Variants in OR3A2 observed in about 807,000 individuals in gnomAD.
OR3A2 encodes the protein olfactory receptor 3A2.
For synonymous variants in OR3A2, 126 were observed against 159.3 expected (o/e 0.79, Z 1.57); for missense variants, 318 against 392.8 (o/e 0.81, Z 1.61).
rs182869835 is a variant in OR3A2 at position 3,335,766 on chromosome 17, G to C, written c.-85+267C>G. Among the ~76,000 whole-genome samples the C allele has an allele frequency of 6.0e-4, 91 of 152,306 alleles. 1 individual carries two copies. Among genetic ancestry groups the C allele is most frequent in the South Asian group, 4.3e-3 (21 of 4,828 alleles). On this transcript the variant is annotated intron_variant, in intron 3 of 4. Coordinates refer to the OR3A2 transcript ENST00000573491. ...ATGAAGAAAGCCCCAGGAAGAAAAA[G>C]TCTGACAGAGAACACATTCCAGCTT... is the stretch of plus-strand genomic sequence containing the variant.
intron 2 of OR3A2, among the ~76,000 whole-genome samples, chr17:3,365,505 A>C (rs751523788): frequency 2.6e-5 from 4 of 152,216 alleles, no homozygotes; most frequent in Non-Finnish European, 5.9e-5. Flanking sequence ...ATGCTGAGGT[A>C]ACAAATTAAC....
chr17:3,364,866 T>C (rs987050859), intron 2 of OR3A2, among the ~76,000 whole-genome samples: 1 of 152,044 alleles, frequency 6.6e-6, no homozygotes, highest in Non-Finnish European at 1.5e-5. Context: ...GGGGAAATTA[T>C]ATGTGCATTT....
intron 2 of OR3A2, among the ~76,000 whole-genome samples, chr17:3,369,074 G>A (rs1242303751): frequency 1.3e-5 from 2 of 152,160 alleles, no homozygotes; most frequent in Non-Finnish European, 2.9e-5. Flanking sequence ...ACTGATTTGT[G>A]GACGTTGATT....
Position 3,338,220 on chromosome 17 carries a change from T to C in OR3A2, c.-178-2094A>G, listed in dbSNP as rs769870739. On this transcript the variant is annotated intron_variant, in intron 2 of 4. Coordinates refer to the OR3A2 transcript ENST00000573491. ...CAAAAATTTTCTCCCATTCTGTAGGTTGCCTGTTCACTCTGATGGTAGTTT... is the reference window on the plus strand; with the variant it reads ...CAAAAATTTTCTCCCATTCTGTAGGCTGCCTGTTCACTCTGATGGTAGTTT... Among the ~76,000 whole-genome samples, 229 of 152,310 alleles carry C rather than the reference T, an allele frequency of 1.5e-3. 2 individuals are homozygous for C. The highest frequency in any genetic ancestry group is 5.7e-4 in the Non-Finnish European group (39 of 68,034).
rs184891298 is a variant in OR3A2 at position 3,345,328 on chromosome 17, C to T, written c.-178-9202G>A. On this transcript the variant is annotated intron_variant, in intron 2 of 4. Coordinates refer to the OR3A2 transcript ENST00000573491. ...CAAGCCTCACCCTTTCAGAGAACTTCCAATCATGTTTTTAGGACCTTTTTC... is the reference window on the plus strand; with the variant it reads ...CAAGCCTCACCCTTTCAGAGAACTTTCAATCATGTTTTTAGGACCTTTTTC... Among the ~76,000 whole-genome samples, 48 of 152,054 alleles carry T rather than the reference C, an allele frequency of 3.2e-4. No individual in the cohort carries two copies. In the East Asian group the frequency reaches 7.7e-3, roughly 25 times the overall value.
At chr17:3,336,247 T>A (rs890138884) in intron 2 of OR3A2, 121 bp from the exon 2 acceptor site, 1 of 152,240 alleles carries the variant, frequency 6.6e-6, no homozygotes, top group South Asian at 2.1e-4. Context: ...ACAGTGCTTT[T>A]CAGTGATGAT....
chr17:3,329,128 G>A lies in OR3A2; in HGVS notation c.-85+6905C>T, dbSNP rs769518549. Among the ~76,000 whole-genome samples, 1,228 of 151,842 alleles carry A rather than the reference G, an allele frequency of 8.1e-3. 4 individuals are homozygous for A. Among genetic ancestry groups the A allele is most frequent in the Non-Finnish European group, 0.014 (946 of 67,988 alleles). The stretch of plus-strand genomic sequence containing the variant: ...TTCAGTTTGCCAGTATTTTATTGAG[G>A]ATTTTTGCATCAATGTTCATCAAGG... On this transcript the variant is annotated intron_variant, in intron 3 of 4. Coordinates refer to the OR3A2 transcript ENST00000573491.
chr17:3,291,926 G>A (rs867373440), intron 3 of OR3A2: 2 of 1,614,218 alleles, frequency 1.2e-6, no homozygotes, highest in Non-Finnish European at 1.7e-6. Context: ...GGATATAGGA[G>A]ATGACAATGA....
chr17:3,285,317 GTTC>G (rs1179684284), upstream of OR3A2, among the ~76,000 whole-genome samples: 1 of 152,094 alleles, frequency 6.6e-6, no homozygotes. Context: ...AGACAAACCT[GTTC>G]TTCTGATTAT....
intron 2 of OR3A2, among the ~76,000 whole-genome samples, chr17:3,369,309 T>C (rs2049590709): frequency 6.6e-6 from 1 of 152,214 alleles, no homozygotes; most frequent in Non-Finnish European, 1.5e-5. Flanking sequence ...ATCCTTGTCT[T>C]GTTCCAGTTC....
chr17:3,348,866 G>C (rs1018101309), intron 2 of OR3A2, among the ~76,000 whole-genome samples: 3 of 152,088 alleles, frequency 2.0e-5, no homozygotes, highest in African/African-American at 7.2e-5. Context: ...AAGAGAGTGG[G>C]GGCCAATATT....
intron 3 of OR3A2, among the ~76,000 whole-genome samples, chr17:3,307,557 A>C (rs1320209901): frequency 1.3e-5 from 2 of 152,236 alleles, no homozygotes; most frequent in Non-Finnish European, 2.9e-5. Flanking sequence ...GATGTTAGTG[A>C]AAGTAGATGG....
chr17:3,286,114 G>A (rs144103354), upstream of OR3A2, among the ~76,000 whole-genome samples: 2,670 of 151,852 alleles, frequency 0.018, 86 homozygotes, highest in African/African-American at 0.06. Context: ...CCGTCCCTGC[G>A]TCCATGTGTT....
intron 3 of OR3A2, among the ~76,000 whole-genome samples, chr17:3,320,915 G>T (rs868103294): frequency 0.015 from 2,311 of 152,064 alleles, 64 homozygotes; most frequent in African/African-American, 0.052. Context: ...ATTCTGTGAA[G>T]AAAGTCATTG....
chr17:3,323,866 G>C (rs1305822547), intron 3 of OR3A2, among the ~76,000 whole-genome samples: 1 of 151,958 alleles, frequency 6.6e-6, no homozygotes, highest in African/African-American at 2.4e-5. Context: ...GAGTATCTTT[G>C]TGGTGTTCTC....
intron 2 of OR3A2, among the ~76,000 whole-genome samples, chr17:3,341,836 CT>C (rs1256707894): frequency 6.6e-6 from 1 of 152,190 alleles, no homozygotes; most frequent in Non-Finnish European, 1.5e-5. Flanking sequence ...GGAAGTTCTC[CT>C]GGATAATATC....
At chr17:3,347,214 T>C (rs1041351483) in intron 2 of OR3A2, among the ~76,000 whole-genome samples, 6 of 145,830 alleles carry the variant, frequency 4.1e-5, no homozygotes, top group African/African-American at 7.8e-5. Context: ...CCTTTTCATA[T>C]GTCTGTTTGC....
At chr17:3,327,733 A>G (rs888800536) in intron 3 of OR3A2, among the ~76,000 whole-genome samples, 1 of 131,732 alleles carries the variant, frequency 7.6e-6, no homozygotes, top group African/African-American at 3.1e-5. Context: ...TGATTTTTGT[A>G]TAAGGTGTAA....
At chr17:3,341,135 C>T (rs2049314501) in intron 2 of OR3A2, among the ~76,000 whole-genome samples, 1 of 152,140 alleles carries the variant, frequency 6.6e-6, no homozygotes, top group Admixed American at 6.5e-5. Flanking sequence ...CTTCCTCCAT[C>T]CCTTTATTTT....
Sources: gnomAD v4.1 joint callset for allele counts (sites outside exome capture counted in the v4.1 genomes callset) on GRCh38, gnomAD v4.1.1 for gene constraint, MANE v1.5 for transcripts, NCBI Gene and HGNC (gene_info 2026-07-23, HGNC 2026-07-21) for gene names.